CYP3A4: variants seen among roughly 807,000 people sequenced by gnomAD.
The protein encoded by CYP3A4 is cytochrome P450 family 3 subfamily A member 4.
Under a neutral mutation model 54.9 loss-of-function variants are expected in CYP3A4, and 41 were observed. That is an observed-to-expected ratio of 0.75 (90% confidence interval 0.58 to 0.97). The LOEUF (loss-of-function observed/expected upper bound fraction) is 0.97, where lower values mean the gene tolerates loss of function less well. Ranked by LOEUF, CYP3A4 falls within the 50% of genes least tolerant of loss-of-function variation. The pLI is 0.00. For synonymous variants in CYP3A4, 179 were observed against 205.2 expected, an observed-to-expected ratio of 0.87 and a Z score of 1.09; for missense variants, 510 against 597.3, an observed-to-expected ratio of 0.85 and a Z score of 1.52.
intron 2 of CYP3A4, among the ~76,000 whole-genome samples, chr7:99,779,740 C>T (rs1345620751): frequency 6.6e-6 from 1 of 152,178 alleles, no homozygotes; most frequent in Non-Finnish European, 1.5e-5. Context: ...AAAGTTTGCA[C>T]ATCAAGTTCT....
At chr7:99,767,096 C>G in intron 8 of CYP3A4, 35 bp downstream of exon 8, 2 of 1,593,628 alleles carry the variant, frequency 1.3e-6, no homozygotes, top group Non-Finnish European at 1.7e-6. Flanking sequence ...TTATGAAAAA[C>G]TAAACATCCT....
At chr7:99,760,678 T>C in intron 12 of CYP3A4, 141 bp downstream of exon 12, 2 of 1,155,128 alleles carry the variant, frequency 1.7e-6, no homozygotes, top group South Asian at 3.3e-5. Context: ...CCCTTAAAGA[T>C]CACAGATGGG....
intron 10 of CYP3A4, 119 bp from the exon 11 acceptor site, chr7:99,762,386 C>G: frequency 7.5e-7 from 1 of 1,333,936 alleles, no homozygotes; most frequent in Non-Finnish European, 1.0e-6. Flanking sequence ...GGTAAAGGAT[C>G]GAAGCATTTA....
At chr7:99,772,934 A>T (rs1463937087) in intron 3 of CYP3A4, among the ~76,000 whole-genome samples, 1 of 152,116 alleles carries the variant, frequency 6.6e-6, no homozygotes, top group Non-Finnish European at 1.5e-5. Context: ...AAGACAAAAG[A>T]GCTCTTCAAA....
Position 99,768,253 on chromosome 7 carries a change from T to C in CYP3A4, c.670+101A>G, listed in dbSNP as rs188472382. On this transcript the variant is annotated intron_variant, in intron 7 of 12. Transcript: ENST00000651514. ...TCAAATGTACTACAAATCACTGAACTGTATATTTTAAGTGGATGAATTACA... is the reference window on the plus strand; with the variant it reads ...TCAAATGTACTACAAATCACTGAACCGTATATTTTAAGTGGATGAATTACA... 5.1e-4 allele frequency: 649 copies of C among 1,276,218 alleles called. 2 individuals carry two copies. The African/African-American group carries it at 8.8e-3, about 17-fold the overall frequency. The allele number at this position is 1,276,218 out of a possible 1,614,324, so 79.1% of individuals were successfully genotyped here.
chr7:99,775,846 T>TA (rs1815757021), intron 3 of CYP3A4, among the ~76,000 whole-genome samples: 1 of 152,204 alleles, frequency 6.6e-6, no homozygotes, highest in South Asian at 2.1e-4. Context: ...ACAAATGGGA[T>TA]ATGATTAAAC....
At chr7:99,761,544 G>T (rs991044558) in intron 11 of CYP3A4, among the ~76,000 whole-genome samples, 17 of 151,620 alleles carry the variant, frequency 1.1e-4, no homozygotes, top group Admixed American at 4.6e-4. Flanking sequence ...TAGAATAGTT[G>T]AAGTCAGATA....
intron 10 of CYP3A4, among the ~76,000 whole-genome samples, chr7:99,762,706 C>T (rs532159855): frequency 6.6e-6 from 1 of 152,174 alleles, no homozygotes; most frequent in Non-Finnish European, 1.5e-5. Context: ...CCCTTTCTAT[C>T]CCAAAAATGA....
In CYP3A4 at chr7:99,767,077, T is replaced by C. The variant is rs527906267; in HGVS notation, c.798+54A>G. The C allele has an allele frequency of 7.8e-6, 12 of 1,545,498 alleles. No homozygotes were observed. The Admixed American group carries it at 1.8e-4, about 23-fold the overall frequency. On this transcript the variant is annotated intron_variant, in intron 8 of 12. Coordinates refer to ENST00000651514, the MANE Select transcript of CYP3A4 (RefSeq NM_017460.6). The stretch of plus-strand genomic sequence containing the variant: ...AACTGCACTGATCATATGTATATTA[T>C]CTAAAAAATTATGAAAAACTAAACA...
intron 11 of CYP3A4, 103 bp from the exon 12 acceptor site, chr7:99,761,084 C>A: frequency 7.6e-7 from 1 of 1,308,734 alleles, no homozygotes; most frequent in South Asian, 1.5e-5. Flanking sequence ...ACTAGTAGTA[C>A]ACAGGATACT....
At chr7:99,760,560 A>T (rs1362475767) in intron 12 of CYP3A4, among the ~76,000 whole-genome samples, 2 of 152,148 alleles carry the variant, frequency 1.3e-5, no homozygotes, top group African/African-American at 2.4e-5. Context: ...ACTGAATGTA[A>T]ACTTTGCTCA....
intron 11 of CYP3A4, 115 bp from the exon 12 acceptor site, chr7:99,761,096 T>C (rs1815313138): frequency 8.3e-7 from 1 of 1,208,160 alleles, no homozygotes; most frequent in Non-Finnish European, 1.2e-6. Context: ...CAGGATACTT[T>C]TGTGGGCTGG....
intron 4 of CYP3A4, among the ~76,000 whole-genome samples, chr7:99,772,379 T>C (rs535620606): frequency 6.6e-6 from 1 of 152,206 alleles, no homozygotes; most frequent in African/African-American, 2.4e-5. Context: ...GTGAACTGTA[T>C]CAATGTCAAT....
At chr7:99,768,042 C>T (rs547487290) in intron 7 of CYP3A4, among the ~76,000 whole-genome samples, 4 of 151,974 alleles carry the variant, frequency 2.6e-5, no homozygotes, top group African/African-American at 9.7e-5. Context: ...AATAAAAAAC[C>T]CTGATGAATT....
In CYP3A4 at chr7:99,771,224, C is replaced by G. The variant is rs1473626383; in HGVS notation, c.319-989G>C. On this transcript the variant is annotated intron_variant, in intron 4 of 12. Transcript: ENST00000651514. The stretch of plus-strand genomic sequence containing the variant: ...ACTGACAATGTGTAAAATCTCAAGG[C>G]ATATACAAAGAGACTTCTAGAACTA... 2.6e-5 allele frequency among the ~76,000 whole-genome samples: 4 copies of G among 152,172 alleles called. 1 individual carries two copies. The highest frequency in any genetic ancestry group is 7.2e-5 in the African/African-American group (3 of 41,452).
chr7:99,773,350 T>G (rs1815681158), intron 3 of CYP3A4, among the ~76,000 whole-genome samples: 1 of 152,164 alleles, frequency 6.6e-6, no homozygotes, highest in South Asian at 2.1e-4. Context: ...GAGGACCTAA[T>G]AGACATCTAC....
chr7:99,760,787 T>C, intron 12 of CYP3A4, 32 bp downstream of exon 12: 1 of 1,608,216 alleles, frequency 6.2e-7, no homozygotes, highest in Non-Finnish European at 8.5e-7. Flanking sequence ...GAATTATTAA[T>C]ACAACATTAT....
At chr7:99,770,507 C>A (rs991986313) in intron 4 of CYP3A4, among the ~76,000 whole-genome samples, 12 of 152,074 alleles carry the variant, frequency 7.9e-5, no homozygotes, top group Non-Finnish European at 1.3e-4. Flanking sequence ...CTTTTACATG[C>A]AAATTATCCA....
chr7:99,762,789 A>C (rs1767515263), intron 10 of CYP3A4, among the ~76,000 whole-genome samples: 1 of 151,890 alleles, frequency 6.6e-6, no homozygotes, highest in African/African-American at 2.4e-5. Flanking sequence ...AGAGGATAGA[A>C]CCCCACACAG....
Sources: gnomAD v4.1 joint callset for allele counts (sites outside exome capture counted in the v4.1 genomes callset) on GRCh38, gnomAD v4.1.1 for gene constraint, MANE v1.5 for transcripts, NCBI Gene and HGNC (gene_info 2026-07-23, HGNC 2026-07-21) for gene names.